Variants in TTC14 observed in about 807,000 individuals in gnomAD.
TTC14 encodes the protein tetratricopeptide repeat protein 14.
A neutral mutation model predicts 79.9 loss-of-function variants in TTC14; 63 were observed. The observed-to-expected ratio is 0.79, with a 90% CI of 0.64 to 0.97. The LOEUF is 0.97. Among genes scored for constraint, TTC14 ranks in the 50% least tolerant of loss-of-function variants. The pLI is 0.00. For missense variants in TTC14, 895 were observed against 894.0 expected (o/e 1.00, Z -0.01); for synonymous variants, 335 against 309.6 (o/e 1.08, Z -0.86).
At position 180,607,508 on chromosome 3, in the gene TTC14, T is replaced by C. The variant is rs1190958574; in HGVS notation, c.1173-140T>C. On this transcript the variant is annotated intron_variant, in intron 9 of 11. Coordinates refer to ENST00000296015, the MANE Select transcript of TTC14 (RefSeq NM_133462.4). ...GAAATAAATTACAGTAAAAAGCATA[T>C]TATTTTGGTATTTTATTTTGGAAAA... The C allele has an allele frequency of 3.1e-6, 4 of 1,273,150 alleles. No individual in the cohort carries two copies. The African/African-American group carries it at 4.5e-5, about 14-fold the overall frequency. 78.9% of individuals were successfully genotyped at this position (1,273,150 alleles called of 1,614,324 possible).
intron 6 of TTC14, chr3:180,605,563 G>T (rs1416356785): frequency 4.5e-6 from 2 of 441,732 alleles, no homozygotes; most frequent in African/African-American, 2.1e-5. Context: ...TTACAGGCGT[G>T]AGCCACCGCA....
rs571138647 is a variant in TTC14 at position 180,606,315 on chromosome 3, A to G, written c.992A>G (p.Asn331Ser). Residue 331 changes from asparagine to serine, a missense_variant, in exon 8 of 12, where the codon AAT becomes AGT. By Grantham distance (46) the Asn-to-Ser change is conservative. Coordinates refer to ENST00000296015, the MANE Select transcript of TTC14 (RefSeq NM_133462.4). ...CATGTGGATGCTATGAATGAATACA[A>G]TAAAGCTTTGGAAATAGACAAACAA... is the stretch of plus-strand genomic sequence containing the variant. ...GRHVDAMNEY[N>S]KALEIDKQNV... 9 of 1,614,168 alleles carry G rather than the reference A, an allele frequency of 5.6e-6. No homozygotes were observed. In the African/African-American group the frequency reaches 6.7e-5, roughly 12 times the overall value.
chr3:180,616,441 T>G, intron 12 of TTC14: 1 of 1,506,292 alleles, frequency 6.6e-7, no homozygotes, highest in Non-Finnish European at 8.9e-7. Flanking sequence ...TAGCTTTCAC[T>G]TCATGATGAA....
In TTC14 at chr3:180,603,026, C is replaced by T; in HGVS notation, c.286+11C>T. ...ATGAAGACAGTGAAGGTCAGTTTAGCCTTAAAATCTTTAAGATTGCGGTTC... is the reference window on the plus strand; with the variant it reads ...ATGAAGACAGTGAAGGTCAGTTTAGTCTTAAAATCTTTAAGATTGCGGTTC... On this transcript the variant is annotated intron_variant, in intron 2 of 11. Transcript: ENST00000296015. 2 of 1,610,676 alleles carry T rather than the reference C, an allele frequency of 1.2e-6. No homozygotes were observed. Among genetic ancestry groups the T allele is most frequent in the Non-Finnish European group, 1.7e-6 (2 of 1,178,966 alleles).
In TTC14 at chr3:180,604,222, C is replaced by T; in HGVS notation, c.487-3C>T. The T allele has an allele frequency of 6.2e-7, 1 of 1,610,714 alleles. No individual in the cohort carries two copies. ...TGGTGTTTTAAAATACTTCTCATTACAGGCTCTTTGTCCCTTAAGAGATGT... is the reference window on the plus strand; with the variant it reads ...TGGTGTTTTAAAATACTTCTCATTATAGGCTCTTTGTCCCTTAAGAGATGT... On this transcript the variant is annotated splice_polypyrimidine_tract_variant and splice_region_variant and intron_variant, in intron 3 of 11. Coordinates refer to ENST00000296015, the MANE Select transcript of TTC14 (RefSeq NM_133462.4).
chr3:180,618,046 C>T (rs1487320350), downstream of TTC14, among the ~76,000 whole-genome samples: 1 of 152,098 alleles, frequency 6.6e-6, no homozygotes, highest in African/African-American at 2.4e-5. Flanking sequence ...TTTAGATACA[C>T]AAGTACCACT....
chr3:180,603,572 A>T (rs1238507869), intron 3 of TTC14: 1 of 476,734 alleles, frequency 2.1e-6, no homozygotes, highest in East Asian at 4.1e-5. Flanking sequence ...TAAATGCTCA[A>T]AGAGGTATCA....
At chr3:180,615,376 A>C (rs1717192573), downstream of TTC14, among the ~76,000 whole-genome samples, 1 of 152,116 alleles carries the variant, frequency 6.6e-6, no homozygotes, top group Non-Finnish European at 1.5e-5. Flanking sequence ...TAAGCATTGA[A>C]AGTTTCCAAA....
rs1484365337 is a variant in TTC14 at position 180,617,588 on chromosome 3, A to G, written c.*21A>G. 1.5e-5 allele frequency: 7 copies of G among 457,600 alleles called. No homozygotes were observed. In the Admixed American group the frequency reaches 1.9e-4, roughly 12 times the overall value. 28.3% of individuals were successfully genotyped at this position (457,600 alleles called of 1,614,324 possible). On this transcript the variant is annotated 3_prime_UTR_variant, in exon 13 of 13. Coordinates refer to the TTC14 transcript ENST00000382584. ...GGTAGGCTTAGGTTTATGTGTGTGT[A>G]TGTGTCTTAGTTTTTAACAAAAAAA...
At position 180,609,717 on chromosome 3, in the gene TTC14, T is replaced by G. The variant is rs1365209833; in HGVS notation, c.1488T>G (p.Ser496=). 3 of 1,613,402 alleles carry G rather than the reference T, an allele frequency of 1.9e-6. No homozygotes were observed. The African/African-American group carries it at 4.0e-5, about 22-fold the overall frequency. ...TGTCTTCATCATCATCCTCTTCCTC[T>G]TCTGGTCACAAAAGGCATAAGAAAC... is the stretch of plus-strand genomic sequence containing the variant. The part of the protein sequence containing the change: ...ESVSSSSSSS[S]SGHKRHKKHK... Residue 496 remains serine (S), a synonymous_variant, in exon 12 of 12, where the codon TCT becomes TCG. Transcript: ENST00000296015.
chr3:180,615,972 C>T (rs1231395075), downstream of TTC14, among the ~76,000 whole-genome samples: 1 of 152,104 alleles, frequency 6.6e-6, no homozygotes, highest in African/African-American at 2.4e-5. Context: ...GGGGGTTCAC[C>T]CCCAAATGCT....
At chr3:180,613,812 AC>A (rs763133298), downstream of TTC14, 1 of 453,918 alleles carries the variant, frequency 2.2e-6, no homozygotes, top group South Asian at 1.6e-5. Context: ...TTTATTACCT[AC>A]CTTTTTTTTC....
rs1005286979 is a variant in TTC14 at position 180,602,229 on chromosome 3, C to T, written c.-33C>T. On this transcript the variant is annotated 5_prime_UTR_variant, in exon 1 of 12. Coordinates refer to ENST00000296015, the MANE Select transcript of TTC14 (RefSeq NM_133462.4). ...CGGACACGGAACAGGGAACTATCAG[C>T]CCGTCGGCCTCCGGGCCCTGCATTC... 11 of 1,609,864 alleles carry T rather than the reference C, an allele frequency of 6.8e-6. No homozygotes were observed. The African/African-American group carries it at 1.3e-4, about 20-fold the overall frequency.
In TTC14 at chr3:180,610,201, T is replaced by C; in HGVS notation, c.1972T>C (p.Tyr658His). ...GGATATAGAGGGAAGAAAAGAGCAC[T>C]ATAGAAGGTGGGAACCAGGTTCTGT... Reference protein sequence around the residue: ...EKDIEGRKEHYRRWEPGSVRH... With the variant: ...EKDIEGRKEHHRRWEPGSVRH... The change falls in exon 12 of 12, where the codon TAT becomes CAT. Residue 658 changes from tyrosine (Y) to histidine (H), a missense_variant. Coordinates refer to ENST00000296015, the MANE Select transcript of TTC14 (RefSeq NM_133462.4). 6.2e-7 allele frequency: 1 copy of C among 1,613,950 alleles called. No individual in the cohort carries two copies. Among genetic ancestry groups the C allele is most frequent in the African/African-American group, 1.3e-5 (1 of 75,020 alleles).
rs1170430800 is a variant in TTC14 at position 180,604,317 on chromosome 3, G to A, written c.571+8G>A. The A allele has an allele frequency of 2.5e-6, 4 of 1,609,044 alleles. No individual in the cohort carries two copies. The East Asian group carries it at 8.9e-5, about 36-fold the overall frequency. ...CTGGTGACATCATTCGAGGTGATTA[G>A]TTTCATCATACTAATAAAAAAGTAA... is the stretch of plus-strand genomic sequence containing the variant. On this transcript the variant is annotated splice_region_variant and intron_variant, in intron 4 of 11. Coordinates refer to ENST00000296015, the MANE Select transcript of TTC14 (RefSeq NM_133462.4).
chr3:180,607,970 G>C, intron 10 of TTC14: 1 of 1,305,140 alleles, frequency 7.7e-7, no homozygotes, highest in African/African-American at 1.5e-5. Context: ...ATAGCTGTGA[G>C]AAAACTATTA....
At chr3:180,609,484 G>T (rs138270753) in intron 11 of TTC14, 146 bp from the exon 12 acceptor site, 21 of 1,326,172 alleles carry the variant, frequency 1.6e-5, no homozygotes, top group Non-Finnish European at 2.0e-5. Context: ...AGTAAAATTA[G>T]ATCTTGTAGT....
chr3:180,615,209 T>C, downstream of TTC14: 4 of 601,788 alleles, frequency 6.6e-6, no homozygotes, highest in Non-Finnish European at 1.1e-5. Flanking sequence ...TAGTGTTAAG[T>C]TTTTAAATGA....
chr3:180,606,965 T>C (rs1282660376), intron 9 of TTC14, among the ~76,000 whole-genome samples: 1 of 152,204 alleles, frequency 6.6e-6, no homozygotes, highest in East Asian at 1.9e-4. Flanking sequence ...GGTTGTCTTA[T>C]AGCCTTGTAT....
Sources: allele counts gnomAD v4.1 joint callset (sites outside exome capture counted in the v4.1 genomes callset), GRCh38; gene constraint gnomAD v4.1.1; transcripts MANE v1.5; gene names NCBI Gene and HGNC (gene_info 2026-07-23, HGNC 2026-07-21).